The following RABL6 variants were observed in gnomAD, a reference collection of about 807,000 sequenced individuals.
The protein encoded by RABL6 is rab-like protein 6.
A neutral mutation model predicts 72.9 loss-of-function variants in RABL6; 28 were observed. The ratio of observed to expected loss-of-function variants is 0.38; its 90% confidence interval spans 0.28 to 0.53. The LOEUF is 0.53. Ranked by LOEUF, RABL6 falls within the 20% of genes least tolerant of loss-of-function variation. The pLI is 0.80. For missense variants in RABL6, 1,029 were observed against 1,008.4 expected, an observed-to-expected ratio of 1.02 and a Z score of -0.28; for synonymous variants, 477 against 421.2, an observed-to-expected ratio of 1.13 and a Z score of -1.62.
intron 8 of RABL6, 83 bp downstream of exon 8, chr9:136,835,928 G>C: frequency 7.7e-7 from 1 of 1,294,616 alleles, no homozygotes. Flanking sequence ...GCACCAAGGA[G>C]ACAGCAGAGG....
chr9:136,825,613 C>G (rs1333959083), intron 2 of RABL6, among the ~76,000 whole-genome samples, 166 bp from the exon 3 acceptor site: 1 of 152,142 alleles, frequency 6.6e-6, no homozygotes, highest in Non-Finnish European at 1.5e-5. Flanking sequence ...CTGAAGGAGC[C>G]GCCATGTGGT....
At chr9:136,840,070 T>C (rs1219195617) in intron 13 of RABL6, 84 bp from the exon 14 acceptor site, 1 of 1,586,338 alleles carries the variant, frequency 6.3e-7, no homozygotes, top group Admixed American at 1.7e-5. Flanking sequence ...CTCGCTGCTT[T>C]GTGAGTTTCT....
intron 7 of RABL6, among the ~76,000 whole-genome samples, chr9:136,834,929 TAAAAAAAAAA>T (rs71385775): frequency 2.7e-5 from 2 of 74,406 alleles, no homozygotes; most frequent in East Asian, 4.1e-4. Flanking sequence ...GACCCTGTTC[TAAAAAAAAAA>T]AAAAAAAAAA....
intron 1 of RABL6, among the ~76,000 whole-genome samples, chr9:136,816,728 G>C (rs1004741045): frequency 6.9e-6 from 1 of 144,840 alleles, no homozygotes; most frequent in Non-Finnish European, 1.5e-5. Context: ...AAAAAAAGGG[G>C]GGGGGGGTAA....
chr9:136,838,894 C>T lies in RABL6; in HGVS notation c.1281-15C>T, dbSNP rs750756199. Reference sequence around the variant, plus strand: ...TACCCCGTGGCCCTTGACCGCTTTGCCCCCTGCTTTGCAGTGATGGGGAGG... The same window carrying T: ...TACCCCGTGGCCCTTGACCGCTTTGTCCCCTGCTTTGCAGTGATGGGGAGG... On this transcript the variant is annotated splice_polypyrimidine_tract_variant and intron_variant, in intron 10 of 14. Coordinates refer to ENST00000311502, the MANE Select transcript of RABL6 (RefSeq NM_024718.5). 7.1e-5 allele frequency: 111 copies of T among 1,553,646 alleles called. No homozygotes were observed. In the East Asian group the frequency reaches 9.7e-4, roughly 14 times the overall value.
intron 1 of RABL6, chr9:136,822,116 G>A: frequency 7.8e-7 from 1 of 1,281,512 alleles, no homozygotes; most frequent in Non-Finnish European, 1.0e-6. Context: ...GGGGCACAGG[G>A]ACAGCCCAGG....
At chr9:136,834,978 A>G (rs1457628667) in intron 7 of RABL6, among the ~76,000 whole-genome samples, 1 of 151,958 alleles carries the variant, frequency 6.6e-6, no homozygotes, top group Non-Finnish European at 1.5e-5. Flanking sequence ...TTCAAAAAAA[A>G]AAAAAGGAGA....
chr9:136,840,068 T>C, intron 13 of RABL6, 86 bp from the exon 14 acceptor site: 1 of 1,585,666 alleles, frequency 6.3e-7, no homozygotes, highest in South Asian at 1.1e-5. Flanking sequence ...GGCTCGCTGC[T>C]TTGTGAGTTT....
rs1447484442 is a variant in RABL6, at chr9:136,818,405, CCAAAG to C, written c.131-5119_131-5115del. On this transcript the variant is annotated intron_variant, in intron 1 of 14. Coordinates refer to ENST00000311502, the MANE Select transcript of RABL6 (RefSeq NM_024718.5). The stretch of plus-strand genomic sequence containing the variant: ...AAAAAAAAAAAAAAAAAAAAAAAAA[CCAAAG>C]GTAAGCAAAGAAACTGGTAAATATG... Among the ~76,000 whole-genome samples, 10 of 56,098 alleles carry C rather than the reference CCAAAG, an allele frequency of 1.8e-4. No individual in the cohort carries two copies. The Admixed American group carries it at 2.0e-3, about 11-fold the overall frequency. The allele number at this position is 56,098 out of a possible 152,430, so 36.8% of individuals were successfully genotyped here. A position where few individuals can be genotyped will look rare whatever the true frequency, so the allele number is the denominator to read the frequency against.
rs190079544 is a variant in RABL6, at chr9:136,829,501, G to A, written c.458+17G>A. 4.4e-3 allele frequency: 6,893 copies of A among 1,557,106 alleles called. 21 individuals carry two copies. Among genetic ancestry groups the A allele is most frequent in the Non-Finnish European group, 5.5e-3 (6,302 of 1,148,820 alleles). On this transcript the variant is annotated intron_variant, in intron 5 of 14. Transcript: ENST00000311502. ...CAAGCAGTGGTAAGAGGGAGCTGGC[G>A]GGGGCAGCTGCCTGTGACTCTCACC...
chr9:136,825,630 G>A (rs1045129160), intron 2 of RABL6, 149 bp from the exon 3 acceptor site: 2 of 827,342 alleles, frequency 2.4e-6, no homozygotes, highest in South Asian at 2.9e-5. Flanking sequence ...TGGTCGTCTG[G>A]GGAGGACACA....
At position 136,839,771 on chromosome 9, in the gene RABL6, C is replaced by G. The variant is rs567709597; in HGVS notation, c.1836C>G (p.Pro612=). ...GCCCTGCCGAGCCGCCCCCACCCCC[C>G]AAGCTCCCTCTCCCCGCCTTCAGAC... The part of the protein sequence containing the change: ...DEGPAEPPPP[P]KLPLPAFRLK... The change falls in exon 13 of 15, where the codon CCC becomes CCG. Residue 612 remains proline (P), a synonymous_variant. Transcript: ENST00000311502. The G allele has an allele frequency of 1.9e-6, 3 of 1,612,758 alleles. No individual in the cohort carries two copies. Among genetic ancestry groups the G allele is most frequent in the African/African-American group, 1.3e-5 (1 of 75,056 alleles).
At chr9:136,827,765 G>GC (rs908773542) in intron 3 of RABL6, 1 of 152,268 alleles carries the variant, frequency 6.6e-6, no homozygotes, top group Non-Finnish European at 1.5e-5. Flanking sequence ...AAACACATGA[G>GC]CCCCATCTGT....
intron 4 of RABL6, 115 bp downstream of exon 4, chr9:136,828,661 G>C: frequency 9.1e-7 from 1 of 1,099,592 alleles, no homozygotes; most frequent in Non-Finnish European, 1.3e-6. Context: ...CTGTGGCCAC[G>C]GGGGCCGCTG....
At chr9:136,815,171 GCGTTCTTGC>G (rs1321502480) in intron 1 of RABL6, 1 of 329,050 alleles carries the variant, frequency 3.0e-6, no homozygotes, top group Non-Finnish European at 5.9e-6. Context: ...TTCCTTCTTG[GCGTTCTTGC>G]CGTTCTTTGC....
chr9:136,824,846 A>T (rs1222566258), intron 2 of RABL6, among the ~76,000 whole-genome samples: 1 of 152,144 alleles, frequency 6.6e-6, no homozygotes, highest in African/African-American at 2.4e-5. Flanking sequence ...GGGCCGGCGC[A>T]CAGAAGCTCT....
At chr9:136,816,524 G>A (rs1293711889) in intron 1 of RABL6, among the ~76,000 whole-genome samples, 1 of 152,108 alleles carries the variant, frequency 6.6e-6, no homozygotes, top group Admixed American at 6.5e-5. Context: ...AGACCAGCCT[G>A]GCCAACATGG....
rs749229071 is a variant in RABL6, at chr9:136,839,127, G to A, written c.1493+6G>A. The A allele has an allele frequency of 1.9e-6, 3 of 1,611,708 alleles. No homozygotes were observed. The highest frequency in any genetic ancestry group is 2.5e-6 in the Non-Finnish European group (3 of 1,179,474). On this transcript the variant is annotated splice_donor_region_variant and intron_variant, in intron 11 of 14. Transcript: ENST00000311502. ...TCAGAGCCAGAGACCAAGTGGTAAG[G>A]GCAGGTGTCCCCACGGGTGCGGCCT...
In RABL6 at chr9:136,841,026, C is replaced by A. The variant is rs752490263; in HGVS notation, c.*504C>A. The A allele has an allele frequency of 2.1e-6, 3 of 1,429,636 alleles. No individual in the cohort carries two copies. Among genetic ancestry groups the A allele is most frequent in the South Asian group, 3.1e-5 (2 of 65,300 alleles). 88.6% of individuals were successfully genotyped at this position (1,429,636 alleles called of 1,614,324 possible). A position where few individuals can be genotyped will look rare whatever the true frequency, so the allele number is the denominator to read the frequency against. On this transcript the variant is annotated 3_prime_UTR_variant, in exon 15 of 15. Coordinates refer to ENST00000311502, the MANE Select transcript of RABL6 (RefSeq NM_024718.5). ...CCCAGGCCCCACGCTAGAAGGCTGG[C>A]GAGACCGAAGGCAGCATGTGAGGCC... is the stretch of plus-strand genomic sequence containing the variant.
Sources: allele counts gnomAD v4.1 joint callset (sites outside exome capture counted in the v4.1 genomes callset), GRCh38; gene constraint gnomAD v4.1.1; transcripts MANE v1.5; gene names NCBI Gene and HGNC (gene_info 2026-07-23, HGNC 2026-07-21).